Variants in KAT6B observed in about 807,000 individuals in gnomAD.
The protein encoded by KAT6B is lysine acetyltransferase 6B.
In KAT6B, 10 loss-of-function variants were observed where a neutral mutation model predicts 187.5. The observed-to-expected ratio is 0.05, with a 90% CI of 0.03 to 0.09. The LOEUF (loss-of-function observed/expected upper bound fraction) is 0.09, where lower values mean the gene tolerates loss of function less well. Among genes scored for constraint, KAT6B ranks in the 10% least tolerant of loss-of-function variants. The pLI, the probability that KAT6B is intolerant of heterozygous loss-of-function variation, is 1.00. For missense variants in KAT6B, 1,952 were observed against 2,558.9 expected, an observed-to-expected ratio of 0.76 and a Z score of 5.12; for synonymous variants, 861 against 926.8, an observed-to-expected ratio of 0.93 and a Z score of 1.29.
At chr10:75,000,194 A>ACAAAG (rs1283767195) in intron 13 of KAT6B, among the ~76,000 whole-genome samples, 6 of 151,854 alleles carry the variant, frequency 4.0e-5, no homozygotes, top group African/African-American at 1.5e-4. Flanking sequence ...TTTTTTTAAA[A>ACAAAG]CAAAGCAAAA....
chr10:74,980,417 C>T (rs959511913), intron 10 of KAT6B, among the ~76,000 whole-genome samples: 2 of 151,966 alleles, frequency 1.3e-5, no homozygotes, highest in Non-Finnish European at 2.9e-5. Context: ...TGGCCAATCA[C>T]GTAACTGGAG....
Position 75,011,880 on chromosome 10 carries a change from T to C in KAT6B, c.2630-8702T>C, listed in dbSNP as rs370992360. On this transcript the variant is annotated intron_variant, in intron 13 of 17. Coordinates refer to ENST00000287239, the MANE Select transcript of KAT6B (RefSeq NM_012330.4). ...ATCCTCCCCTGCGTCAGTTCAGAGA[T>C]TTGCCTGCTGCTGGGATTTCTCATT... 1.3e-4 allele frequency among the ~76,000 whole-genome samples: 20 copies of C among 152,296 alleles called. No individual in the cohort carries two copies. The East Asian group carries it at 2.7e-3, about 21-fold the overall frequency.
In KAT6B at chr10:74,842,603, T is replaced by G. The variant is rs1841824996; in HGVS notation, c.-255T>G. The G allele has an allele frequency of 1.7e-6, 1 of 600,298 alleles. No homozygotes were observed. The highest frequency in any genetic ancestry group is 2.9e-6 in the Non-Finnish European group (1 of 339,422). 37.2% of individuals were successfully genotyped at this position (600,298 alleles called of 1,614,324 possible). The stretch of plus-strand genomic sequence containing the variant: ...TCCCCTCTTTTTATCCTTTAAGGTC[T>G]TGATTTCCCAGTTAAAGATGTTCTT... On this transcript the variant is annotated 5_prime_UTR_variant, in exon 3 of 18. Transcript: ENST00000287239.
rs547589934 is a variant in KAT6B at position 74,997,933 on chromosome 10, G to A, written c.2629+8821G>A. 6.6e-5 allele frequency among the ~76,000 whole-genome samples: 10 copies of A among 151,904 alleles called. No individual in the cohort carries two copies. In the East Asian group the frequency reaches 1.8e-3, roughly 27 times the overall value. On this transcript the variant is annotated intron_variant, in intron 13 of 17. Coordinates refer to ENST00000287239, the MANE Select transcript of KAT6B (RefSeq NM_012330.4). The stretch of plus-strand genomic sequence containing the variant: ...TCGAGACCAGCCTGGCCAACATGAC[G>A]AAACCCTGTCTCTACTAAAAATACA...
Position 75,031,439 on chromosome 10 carries a change from T to C in KAT6B, c.*393T>C, listed in dbSNP as rs372295051. The C allele has an allele frequency of 3.5e-5, 12 of 343,916 alleles. No individual in the cohort carries two copies. The East Asian group carries it at 5.2e-4, about 15-fold the overall frequency. 21.3% of individuals were successfully genotyped at this position (343,916 alleles called of 1,614,324 possible). On this transcript the variant is annotated 3_prime_UTR_variant, in exon 18 of 18. Coordinates refer to ENST00000287239, the MANE Select transcript of KAT6B (RefSeq NM_012330.4). ...TTTTTTCCCTTCCCTGTCCACTCCATGTAAATGCCTTTAGCATTTCAGTTA... is the reference window on the plus strand; with the variant it reads ...TTTTTTCCCTTCCCTGTCCACTCCACGTAAATGCCTTTAGCATTTCAGTTA...
chr10:75,017,558 G>T (rs942354429), intron 13 of KAT6B, among the ~76,000 whole-genome samples: 1 of 152,078 alleles, frequency 6.6e-6, no homozygotes, highest in South Asian at 2.1e-4. Context: ...AGGTTGCATC[G>T]AGCCCATATC....
intron 4 of KAT6B, among the ~76,000 whole-genome samples, 178 bp downstream of exon 4, chr10:74,960,256 T>C (rs1841006676): frequency 1.3e-5 from 2 of 152,190 alleles, no homozygotes; most frequent in Non-Finnish European, 1.5e-5. Context: ...ATGTTAGTAC[T>C]GACATATGGA....
chr10:74,961,424 C>T (rs182283234), intron 4 of KAT6B, among the ~76,000 whole-genome samples: 2 of 152,198 alleles, frequency 1.3e-5, no homozygotes, highest in East Asian at 3.9e-4. Flanking sequence ...TTAAAAACAC[C>T]CTTCCCTGTT....
intron 3 of KAT6B, among the ~76,000 whole-genome samples, chr10:74,944,946 A>G (rs964664205): frequency 1.3e-5 from 2 of 152,152 alleles, no homozygotes; most frequent in African/African-American, 4.8e-5. Flanking sequence ...TGGCACAAGC[A>G]CCTTGGAAAA....
intron 3 of KAT6B, among the ~76,000 whole-genome samples, chr10:74,898,533 C>T (rs896654044): frequency 1.3e-4 from 20 of 152,046 alleles, no homozygotes; most frequent in Non-Finnish European, 2.9e-4. Flanking sequence ...TCACCATAGC[C>T]TCAAATTCCT....
chr10:74,975,738 G>C lies in KAT6B; in HGVS notation c.1401G>C (p.Lys467Asn). The change falls in exon 8 of 18, where the codon AAG (lysine) becomes AAC (asparagine). Residue 467 changes from lysine to asparagine, a missense_variant. Around this residue, in one of 9 missense-constraint regions of KAT6B, gnomAD observed 417 missense variants for 508.9 expected, o/e 0.82. Coordinates refer to ENST00000287239, the MANE Select transcript of KAT6B (RefSeq NM_012330.4). ...DFSKHYRPRK[K>N]VSQKQSCTSH... ...CAAAGCACTATCGTCCAAGGAAAAA[G>C]GTCTCTCAGAAACAGTCATGCACTT... 6.2e-7 allele frequency: 1 copy of C among 1,614,150 alleles called. No individual in the cohort carries two copies. Among genetic ancestry groups the C allele is most frequent in the East Asian group, 2.2e-5 (1 of 44,888 alleles).
intron 13 of KAT6B, among the ~76,000 whole-genome samples, chr10:74,990,516 AAAG>A (rs1407124020): frequency 6.6e-6 from 1 of 152,192 alleles, no homozygotes; most frequent in Non-Finnish European, 1.5e-5. Flanking sequence ...GATTCTTTTA[AAAG>A]AAGAATTTTG....
At chr10:74,942,981 A>G (rs1849803531) in intron 3 of KAT6B, among the ~76,000 whole-genome samples, 1 of 152,142 alleles carries the variant, frequency 6.6e-6, no homozygotes, top group Non-Finnish European at 1.5e-5. Flanking sequence ...TTACAGTATT[A>G]AGTATTAATG....
chr10:75,007,453 T>A (rs1844293667), intron 13 of KAT6B, among the ~76,000 whole-genome samples: 1 of 152,064 alleles, frequency 6.6e-6, no homozygotes, highest in Admixed American at 6.6e-5. Flanking sequence ...TAAAATGACA[T>A]TAAGATTTTT....
At chr10:74,969,993 A>G (rs772402945) in intron 5 of KAT6B, 27 bp from the exon 6 acceptor site, 2 of 1,531,498 alleles carry the variant, frequency 1.3e-6, no homozygotes, top group Middle Eastern at 1.7e-4. Flanking sequence ...TTCAGTCTCA[A>G]TTAGTCTCTA....
At chr10:74,984,441 G>A (rs1479097790) in intron 11 of KAT6B, 1 of 152,486 alleles carries the variant, frequency 6.6e-6, no homozygotes. Context: ...ATCACAGCTT[G>A]ATTCTTTTAT....
At chr10:74,925,625 AG>A (rs1848443396) in intron 3 of KAT6B, among the ~76,000 whole-genome samples, 1 of 152,168 alleles carries the variant, frequency 6.6e-6, no homozygotes, top group East Asian at 1.9e-4. Flanking sequence ...CAAATTATTA[AG>A]GGGTGAAAAT....
chr10:74,854,413 C>T (rs1423511840), intron 3 of KAT6B, among the ~76,000 whole-genome samples: 2 of 151,796 alleles, frequency 1.3e-5, no homozygotes, highest in Non-Finnish European at 2.9e-5. Context: ...TATTCTTTTT[C>T]CTTATATAAG....
chr10:74,898,811 A>C (rs1846167266), intron 3 of KAT6B, among the ~76,000 whole-genome samples: 1 of 131,552 alleles, frequency 7.6e-6, no homozygotes, highest in African/African-American at 4.0e-5. Flanking sequence ...ATCCTGGGGG[A>C]GGGGAAATGA....
Sources: gnomAD v4.1 joint callset for allele counts (sites outside exome capture counted in the v4.1 genomes callset) on GRCh38, gnomAD v4.1.1 for gene constraint, gnomAD v4.1.1 regional missense constraint, MANE v1.5 for transcripts, NCBI Gene and HGNC (gene_info 2026-07-23, HGNC 2026-07-21) for gene names.